The following XKR9 variants were observed in gnomAD, a reference collection of about 807,000 sequenced individuals.
The protein encoded by XKR9 is XK-related protein 9.
A neutral mutation model predicts 32.0 loss-of-function variants in XKR9; 32 were observed. That is an observed-to-expected ratio of 1.00 (90% CI 0.76 to 1.34). The LOEUF is 1.34. Ranked by LOEUF, XKR9 falls within the 40% of genes most tolerant of loss-of-function variation. The pLI, the probability that XKR9 is intolerant of heterozygous loss-of-function variation, is 0.00. For missense variants in XKR9, 546 were observed against 429.7 expected, an observed-to-expected ratio of 1.27 and a Z score of -2.39; for synonymous variants, 168 against 143.4, an observed-to-expected ratio of 1.17 and a Z score of -1.22.
downstream of XKR9, among the ~76,000 whole-genome samples, chr8:70,792,468 C>T (rs1807776429): frequency 6.6e-6 from 1 of 152,066 alleles, no homozygotes; most frequent in Non-Finnish European, 1.5e-5. Flanking sequence ...GAATTTGCTT[C>T]AGGGTGTCAT....
chr8:70,978,062 G>T, the XKR9 span, among the ~76,000 whole-genome samples: 1 of 152,058 alleles, frequency 6.6e-6, no homozygotes, highest in South Asian at 2.1e-4. Flanking sequence ...TGCAACCCAT[G>T]CTTTTTTTGC....
the XKR9 span, among the ~76,000 whole-genome samples, chr8:70,902,774 T>C: frequency 2.0e-5 from 3 of 152,354 alleles, no homozygotes; most frequent in Admixed American, 1.3e-4. Flanking sequence ...TTGTCATAAA[T>C]AGCTCTTATT....
the XKR9 span, among the ~76,000 whole-genome samples, chr8:70,991,692 T>A: frequency 6.6e-6 from 1 of 152,216 alleles, no homozygotes; most frequent in East Asian, 1.9e-4. Flanking sequence ...GGCATAGAAC[T>A]ATATGCATCA....
In XKR9 at chr8:70,707,044, G is replaced by A. The variant is rs573890633; in HGVS notation, c.384G>A (p.Val128=). The A allele has an allele frequency of 3.2e-5, 51 of 1,613,450 alleles. No individual in the cohort carries two copies. Among genetic ancestry groups the A allele is most frequent in the Non-Finnish European group, 4.2e-5 (50 of 1,179,502 alleles). The part of the protein sequence containing the change: ...IDLHKEVIDR[V]TDLSMLRLFE... The stretch of plus-strand genomic sequence containing the variant: ...TACATAAAGAAGTTATAGATAGAGT[G>A]ACTGATTTGAGCATGCTCAGACTAT... The change falls in exon 4 of 5, where the codon GTG becomes GTA. Residue 128 remains valine, a synonymous_variant. Coordinates refer to ENST00000408926, the MANE Select transcript of XKR9 (RefSeq NM_001011720.2).
intron 4 of XKR9, among the ~76,000 whole-genome samples, chr8:70,723,681 C>G (rs557443798): frequency 1.3e-5 from 2 of 152,144 alleles, no homozygotes; most frequent in Non-Finnish European, 2.9e-5. Flanking sequence ...GCTCCTTCCT[C>G]CAGAAGCTTT....
At chr8:70,875,940 G>GAA in the XKR9 span, among the ~76,000 whole-genome samples, 1 of 150,022 alleles carries the variant, frequency 6.7e-6, no homozygotes, top group African/African-American at 2.5e-5. Flanking sequence ...AAATGTAGAG[G>GAA]AAAAAAAAAC....
chr8:70,959,439 T>C, the XKR9 span, among the ~76,000 whole-genome samples: 3 of 152,336 alleles, frequency 2.0e-5, no homozygotes, highest in East Asian at 5.8e-4. Context: ...ATTTCATAAT[T>C]TATTTATCCT....
the XKR9 span, among the ~76,000 whole-genome samples, chr8:70,887,016 G>T: frequency 2.0e-5 from 3 of 152,210 alleles, no homozygotes; most frequent in East Asian, 3.9e-4. Context: ...GTTCTGAATG[G>T]TGTCGCCTAG....
At chr8:70,968,268 T>A in the XKR9 span, among the ~76,000 whole-genome samples, 6 of 152,212 alleles carry the variant, frequency 3.9e-5, no homozygotes, top group Non-Finnish European at 8.8e-5. Context: ...CCTCTCGTGT[T>A]GTGTTTTTTA....
At chr8:70,925,518 A>G in the XKR9 span, among the ~76,000 whole-genome samples, 9 of 152,212 alleles carry the variant, frequency 5.9e-5, no homozygotes, top group Non-Finnish European at 5.9e-5. Flanking sequence ...AATGTTTACA[A>G]ACATAACACT....
intron 2 of XKR9, among the ~76,000 whole-genome samples, chr8:70,746,977 A>G (rs116955572): frequency 0.013 from 1,916 of 152,124 alleles, 16 homozygotes; most frequent in Non-Finnish European, 0.019. Context: ...GTCCATGTAT[A>G]CCCATTGTTT....
chr8:71,010,509 G>A, the XKR9 span, among the ~76,000 whole-genome samples: 1 of 152,180 alleles, frequency 6.6e-6, no homozygotes, highest in Admixed American at 6.6e-5. Flanking sequence ...GGATTACAGG[G>A]TCAGGGAAGC....
the XKR9 span, among the ~76,000 whole-genome samples, chr8:70,872,912 G>T: frequency 6.6e-6 from 1 of 152,124 alleles, no homozygotes; most frequent in Non-Finnish European, 1.5e-5. Flanking sequence ...TGCCTGCCTT[G>T]GCCTCCTAAA....
the XKR9 span, among the ~76,000 whole-genome samples, chr8:70,974,170 A>C: frequency 6.6e-6 from 1 of 151,136 alleles, no homozygotes; most frequent in African/African-American, 2.4e-5. Context: ...TATATTTAGA[A>C]TTGTGATATT....
the XKR9 span, among the ~76,000 whole-genome samples, chr8:70,986,947 A>G: frequency 6.6e-6 from 1 of 152,218 alleles, no homozygotes; most frequent in African/African-American, 2.4e-5. Flanking sequence ...CTTGTCTTAA[A>G]TGGATGGCAA....
the XKR9 span, among the ~76,000 whole-genome samples, chr8:70,921,456 C>CA: frequency 2.0e-5 from 3 of 152,310 alleles, no homozygotes; most frequent in Non-Finnish European, 2.9e-5. Flanking sequence ...TTTAAACTGT[C>CA]AGAGTTGTGG....
chr8:70,740,469 G>T (rs1303384884), downstream of XKR9, among the ~76,000 whole-genome samples: 3 of 152,154 alleles, frequency 2.0e-5, no homozygotes. Context: ...CTCTCAACTC[G>T]TCAAAGTCAT....
chr8:70,774,831 T>C (rs1040562352), intron 2 of XKR9, among the ~76,000 whole-genome samples: 3 of 152,180 alleles, frequency 2.0e-5, no homozygotes, highest in Non-Finnish European at 4.4e-5. Context: ...CCCTGCAACT[T>C]TGTTCTTTTT....
At chr8:70,932,666 T>C in the XKR9 span, among the ~76,000 whole-genome samples, 1 of 152,182 alleles carries the variant, frequency 6.6e-6, no homozygotes, top group Non-Finnish European at 1.5e-5. Flanking sequence ...CCCGAGGCCC[T>C]TCTCCCTGGC....
Sources: gnomAD v4.1 joint callset for allele counts (sites outside exome capture counted in the v4.1 genomes callset) on GRCh38, gnomAD v4.1.1 for gene constraint, MANE v1.5 for transcripts, NCBI Gene and HGNC (gene_info 2026-07-23, HGNC 2026-07-21) for gene names.